Variants in PEX7 observed in about 807,000 individuals in gnomAD.
PEX7 encodes PTS2 receptor.
A neutral mutation model predicts 47.5 loss-of-function variants in PEX7; 34 were observed. That is an observed-to-expected ratio of 0.72 (90% CI 0.54 to 0.95). PEX7 has a LOEUF of 0.95. Among genes scored for constraint, PEX7 ranks in the 40% least tolerant of loss-of-function variants. PEX7 has a pLI of 0.00. For synonymous variants in PEX7, 141 were observed against 148.8 expected (o/e 0.95, Z 0.38); for missense variants, 394 against 400.3 (o/e 0.98, Z 0.13).
chr6:136,898,832 T>G (rs1775699519), intron 9 of PEX7, among the ~76,000 whole-genome samples: 1 of 152,102 alleles, frequency 6.6e-6, no homozygotes, highest in South Asian at 2.1e-4. Context: ...AAAAGCCTTT[T>G]CATTTTAGAA....
chr6:136,850,661 A>T (rs1286479517), intron 5 of PEX7, among the ~76,000 whole-genome samples: 1 of 152,180 alleles, frequency 6.6e-6, no homozygotes, highest in African/African-American at 2.4e-5. Context: ...GATATGATAC[A>T]TGTTTGAAAG....
chr6:136,871,367 A>G (rs1011382846), intron 7 of PEX7, among the ~76,000 whole-genome samples: 2 of 152,174 alleles, frequency 1.3e-5, no homozygotes, highest in African/African-American at 2.4e-5. Context: ...ATAATTTTCC[A>G]TTAGCTGTAA....
intron 6 of PEX7, among the ~76,000 whole-genome samples, chr6:136,869,240 A>G (rs978030005): frequency 4.0e-5 from 6 of 151,666 alleles, no homozygotes; most frequent in Admixed American, 6.6e-5. Flanking sequence ...AACCTTTTTT[A>G]AATTTTTATT....
At chr6:136,912,665 T>G (rs1156837967) in intron 9 of PEX7, among the ~76,000 whole-genome samples, 1 of 152,182 alleles carries the variant, frequency 6.6e-6, no homozygotes, top group African/African-American at 2.4e-5. Flanking sequence ...TAGTGCAGCT[T>G]TGTTTCATTT....
At chr6:136,870,867 T>G in intron 7 of PEX7, 1 of 243,054 alleles carries the variant, frequency 4.1e-6, no homozygotes, top group South Asian at 3.6e-5. Context: ...CGGCTAATTT[T>G]TTTGTATTTT....
At chr6:136,911,565 C>G (rs1176968434) in intron 9 of PEX7, among the ~76,000 whole-genome samples, 1 of 152,090 alleles carries the variant, frequency 6.6e-6, no homozygotes, top group Non-Finnish European at 1.5e-5. Context: ...ACCACCACAC[C>G]TGGCTCATTT....
chr6:136,887,625 TAAAAC>T (rs67228339), intron 8 of PEX7, among the ~76,000 whole-genome samples: 14,533 of 152,136 alleles, frequency 0.096, 773 homozygotes, highest in Admixed American at 0.14. Flanking sequence ...GAGAGAAAGA[TAAAAC>T]AAATGTGGCA....
At chr6:136,825,811 G>T (rs1774178753) in intron 2 of PEX7, among the ~76,000 whole-genome samples, 1 of 152,046 alleles carries the variant, frequency 6.6e-6, no homozygotes, top group Non-Finnish European at 1.5e-5. Flanking sequence ...GGTATTATAT[G>T]CGTGAGCCAC....
chr6:136,833,656 C>T (rs1306956692), intron 3 of PEX7, among the ~76,000 whole-genome samples: 2 of 152,076 alleles, frequency 1.3e-5, no homozygotes, highest in African/African-American at 2.4e-5. Flanking sequence ...TTGATAATAG[C>T]CATTTAAAGC....
intron 5 of PEX7, among the ~76,000 whole-genome samples, chr6:136,863,098 C>T (rs1053305258): frequency 6.6e-6 from 1 of 152,196 alleles, no homozygotes; most frequent in African/African-American, 2.4e-5. Flanking sequence ...GAAGCTCTAA[C>T]CTGTACCAAT....
At chr6:136,831,851 G>A (rs1340621955) in intron 3 of PEX7, among the ~76,000 whole-genome samples, 2 of 152,234 alleles carry the variant, frequency 1.3e-5, no homozygotes, top group Non-Finnish European at 2.9e-5. Context: ...CTCTACCCTT[G>A]TAGCTCTGAA....
intron 9 of PEX7, among the ~76,000 whole-genome samples, chr6:136,903,798 CCT>C (rs939611897): frequency 2.0e-5 from 3 of 151,760 alleles, no homozygotes; most frequent in Admixed American, 6.6e-5. Flanking sequence ...CCCACCCTAC[CCT>C]ACTGAATAGC....
intron 3 of PEX7, chr6:136,830,035 A>G (rs1774265867): frequency 1.4e-6 from 1 of 716,314 alleles, no homozygotes; most frequent in African/African-American, 1.8e-5. Flanking sequence ...GTTGTGAAAT[A>G]GAAGAGCAAC....
chr6:136,882,955 G>A (rs1775402533), intron 8 of PEX7, among the ~76,000 whole-genome samples: 2 of 151,924 alleles, frequency 1.3e-5, no homozygotes, highest in Admixed American at 1.3e-4. Context: ...TCTTACCCTG[G>A]ATCACTAGAA....
intron 3 of PEX7, among the ~76,000 whole-genome samples, chr6:136,840,923 AC>A (rs1262315089): frequency 1.3e-5 from 2 of 151,306 alleles, no homozygotes; most frequent in Non-Finnish European, 2.9e-5. Flanking sequence ...TTGAGAAGTG[AC>A]CCCCTGCCCT....
At chr6:136,823,143 C>T (rs776705036) in intron 1 of PEX7, 1 of 985,410 alleles carries the variant, frequency 1.0e-6, no homozygotes, top group South Asian at 4.7e-5. Context: ...TCCCTTGGAT[C>T]GGTCCGCTCG....
rs1774578904 is a variant in PEX7 at position 136,845,500 on chromosome 6, A to T, written c.340-115A>T. 6 of 733,070 alleles carry T rather than the reference A, an allele frequency of 8.2e-6. No homozygotes were observed. The East Asian group carries it at 1.6e-4, about 19-fold the overall frequency. The allele number at this position is 733,070 out of a possible 1,614,324, so 45.4% of individuals were successfully genotyped here. ...TGTTGAGATGGATAGGAATTATTTG[A>T]TGTTTTGACATAGTAAATTAGTTGT... On this transcript the variant is annotated intron_variant, in intron 3 of 9. Coordinates refer to ENST00000318471, the MANE Select transcript of PEX7 (RefSeq NM_000288.4).
intron 8 of PEX7, among the ~76,000 whole-genome samples, chr6:136,875,900 C>CA: frequency 6.6e-6 from 1 of 152,272 alleles, no homozygotes; most frequent in Non-Finnish European, 1.5e-5. Flanking sequence ...CCTTCTTTGT[C>CA]ACAGTTAATG....
chr6:136,845,923 A>G (rs1162624778), intron 4 of PEX7, 150 bp from the exon 5 acceptor site: 6 of 674,938 alleles, frequency 8.9e-6, no homozygotes, highest in South Asian at 7.2e-5. Context: ...CTTGCTTTAT[A>G]TCAAAACAGA....
Sources: gnomAD v4.1 joint callset for allele counts (sites outside exome capture counted in the v4.1 genomes callset) on GRCh38, gnomAD v4.1.1 for gene constraint, MANE v1.5 for transcripts, NCBI Gene and HGNC (gene_info 2026-07-23, HGNC 2026-07-21) for gene names.